EVL: variants seen among roughly 807,000 people sequenced by gnomAD.
The protein encoded by EVL is Enah/Vasp-like.
Under a neutral mutation model 59.6 loss-of-function variants are expected in EVL, and 21 were observed. The observed-to-expected ratio is 0.35, with a 90% CI of 0.25 to 0.51. The LOEUF (loss-of-function observed/expected upper bound fraction) is 0.51, where lower values mean the gene tolerates loss of function less well. EVL is among the 20% of genes least tolerant of loss of function. The pLI, the probability that EVL is intolerant of heterozygous loss-of-function variation, is 0.97. For synonymous variants in EVL, 198 were observed against 203.5 expected, an observed-to-expected ratio of 0.97 and a Z score of 0.23; for missense variants, 462 against 546.6, an observed-to-expected ratio of 0.85 and a Z score of 1.54.
At chr14:100,097,156 G>A in intron 2 of EVL, 1 of 210,650 alleles carries the variant, frequency 4.7e-6, no homozygotes. Flanking sequence ...CTGAGCCCCA[G>A]CAAAGTGCAG....
At chr14:100,007,378 A>G (rs541175094) in intron 1 of EVL, among the ~76,000 whole-genome samples, 27 of 152,316 alleles carry the variant, frequency 1.8e-4, no homozygotes, top group African/African-American at 6.5e-4. Flanking sequence ...GACTTTGAAT[A>G]GAATGAGAGG....
rs138385143 is a variant in EVL at position 100,141,225 on chromosome 14, C to G, written c.1140C>G (p.Phe380Leu). 6.2e-7 allele frequency: 1 copy of G among 1,613,870 alleles called. No individual in the cohort carries two copies. Residue 380 changes from phenylalanine (F) to leucine (L), a missense_variant, in exon 12 of 14, where the codon TTC becomes TTG. Coordinates refer to ENST00000392920, the MANE Select transcript of EVL (RefSeq NM_016337.3). ...GSVNDMALDAFDLDRMKQEIL... is the reference protein window; with the variant it reads ...GSVNDMALDALDLDRMKQEIL... Reference sequence around the variant, plus strand: ...TGAATGACATGGCCCTGGATGCCTTCGACTTGGACCGGATGAAGCAGGTGA... The same window carrying G: ...TGAATGACATGGCCCTGGATGCCTTGGACTTGGACCGGATGAAGCAGGTGA...
At chr14:100,077,590 G>A (rs2062190754) in intron 1 of EVL, among the ~76,000 whole-genome samples, 3 of 152,250 alleles carry the variant, frequency 2.0e-5, no homozygotes, top group Admixed American at 6.5e-5. Flanking sequence ...ATGAGGAGAC[G>A]TGAAAGCGAA....
chr14:100,014,999 A>G (rs1383184093), intron 1 of EVL, among the ~76,000 whole-genome samples: 1 of 152,206 alleles, frequency 6.6e-6, no homozygotes, highest in African/African-American at 2.4e-5. Flanking sequence ...GAATGTGCAT[A>G]TTAGTAAATG....
intron 1 of EVL, among the ~76,000 whole-genome samples, chr14:99,998,888 C>G (rs1478052368): frequency 1.3e-5 from 2 of 151,996 alleles, no homozygotes; most frequent in Non-Finnish European, 2.9e-5. Context: ...GTCCAAGGTC[C>G]AGTAATGGTC....
rs1187373207 is a variant in EVL, at chr14:100,108,849, G to C, written c.358+11191G>C. Reference sequence around the variant, plus strand: ...AGTCAGCTGCCACTTGGCCTGTCCTGCTATTCCCACTGCATGAATCTAGTC... The same window carrying C: ...AGTCAGCTGCCACTTGGCCTGTCCTCCTATTCCCACTGCATGAATCTAGTC... On this transcript the variant is annotated intron_variant, in intron 3 of 13. Transcript: ENST00000392920. This position sits in a 1 kb window ranked among gnomAD's most constrained non-coding sequence, Gnocchi z 4.1. Among the ~76,000 whole-genome samples the C allele has an allele frequency of 6.6e-6, 1 of 152,182 alleles. No individual in the cohort carries two copies. Among genetic ancestry groups the C allele is most frequent in the Non-Finnish European group, 1.5e-5 (1 of 68,028 alleles).
chr14:100,030,166 C>A (rs995330915), intron 1 of EVL, among the ~76,000 whole-genome samples: 1 of 150,842 alleles, frequency 6.6e-6, no homozygotes, highest in Non-Finnish European at 1.5e-5. Flanking sequence ...AATCTCAGCT[C>A]ACTGCAACCT....
upstream of EVL, among the ~76,000 whole-genome samples, chr14:100,063,410 G>A (rs916120334): frequency 3.9e-5 from 6 of 152,146 alleles, no homozygotes; most frequent in Admixed American, 6.5e-5. Context: ...TGATGATGTT[G>A]GGCTTCTGAC....
chr14:100,054,495 C>G (rs1004803031), intron 1 of EVL, among the ~76,000 whole-genome samples: 4 of 152,078 alleles, frequency 2.6e-5, no homozygotes, highest in African/African-American at 7.2e-5. Flanking sequence ...GAGTCCATAC[C>G]CCAGCCACTT....
At chr14:100,047,944 A>T (rs561807339) in intron 1 of EVL, among the ~76,000 whole-genome samples, 2 of 152,350 alleles carry the variant, frequency 1.3e-5, no homozygotes, top group African/African-American at 4.8e-5. Flanking sequence ...TTTTGGCCTA[A>T]TCCTCACATG....
At chr14:99,990,931 T>C (rs1393443566) in intron 1 of EVL, among the ~76,000 whole-genome samples, 2 of 152,168 alleles carry the variant, frequency 1.3e-5, no homozygotes, top group African/African-American at 4.8e-5. Context: ...TGTACCCAAT[T>C]GTATATATAG....
chr14:100,042,873 T>G (rs2061487896), intron 1 of EVL, among the ~76,000 whole-genome samples: 1 of 152,200 alleles, frequency 6.6e-6, no homozygotes, highest in East Asian at 1.9e-4. Flanking sequence ...AAATACATAC[T>G]TACCATAAAC....
chr14:100,077,883 C>T (rs914357796), intron 1 of EVL, among the ~76,000 whole-genome samples: 6 of 152,228 alleles, frequency 3.9e-5, no homozygotes, highest in South Asian at 2.1e-4. Flanking sequence ...CGCCATTCTC[C>T]TGCCTCAGCC....
At chr14:100,047,110 CTCTCTCTCTTTT>C (rs1390255104) in intron 1 of EVL, among the ~76,000 whole-genome samples, 1,959 of 21,532 alleles carry the variant, frequency 0.091, 51 homozygotes, top group African/African-American at 0.25. Context: ...TTGGGCAGAT[CTCTCTCTCTTTT>C]TTTTTTTTTT....
At chr14:99,992,668 G>A (rs1428345246) in intron 1 of EVL, among the ~76,000 whole-genome samples, 1 of 152,162 alleles carries the variant, frequency 6.6e-6, no homozygotes, top group African/African-American at 2.4e-5. Flanking sequence ...TCCTAACACT[G>A]TTTGTTGAAA....
chr14:100,108,450 A>G lies in EVL; in HGVS notation c.358+10792A>G, dbSNP rs1368202542. Among the ~76,000 whole-genome samples, 1 of 152,200 alleles carries G rather than the reference A, an allele frequency of 6.6e-6. No homozygotes were observed. Among genetic ancestry groups the G allele is most frequent in the Non-Finnish European group, 1.5e-5 (1 of 68,034 alleles). On this transcript the variant is annotated intron_variant, in intron 3 of 13. Coordinates refer to ENST00000392920, the MANE Select transcript of EVL (RefSeq NM_016337.3). This position sits in a 1 kb window ranked among gnomAD's most constrained non-coding sequence, Gnocchi z 4.1. ...CCCAGCATGGCCCTGCCTGAGGGGA[A>G]CAGGACGGCAAGCCCCTGGCCTCCT...
intron 4 of EVL, among the ~76,000 whole-genome samples, chr14:100,125,521 C>A (rs1888017176): frequency 6.6e-6 from 1 of 151,304 alleles, no homozygotes; most frequent in Non-Finnish European, 1.5e-5. Context: ...CTGCTGGGAG[C>A]TTTTCAGACC....
At position 100,126,809 on chromosome 14, in the gene EVL, G is replaced by A. The variant is rs541005126; in HGVS notation, c.487+38G>A. 14 of 1,600,484 alleles carry A rather than the reference G, an allele frequency of 8.7e-6. No individual in the cohort carries two copies. In the African/African-American group the frequency reaches 1.6e-4, roughly 18 times the overall value. On this transcript the variant is annotated intron_variant, in intron 5 of 13. Transcript: ENST00000392920. ...CTCCCCTAGGGCCGACTCCCATGCT[G>A]CTGCCAGGTGGCAGCCCCTCCACGT...
chr14:100,051,260 T>A (rs961384187), intron 1 of EVL, among the ~76,000 whole-genome samples: 1 of 152,208 alleles, frequency 6.6e-6, no homozygotes, highest in Non-Finnish European at 1.5e-5. Flanking sequence ...ACCATCTGTT[T>A]GTCCAGCCTG....
Sources: gnomAD v4.1 joint callset for allele counts (sites outside exome capture counted in the v4.1 genomes callset) on GRCh38, gnomAD v4.1.1 for gene constraint, Gnocchi (gnomAD v3.1) non-coding constraint, MANE v1.5 for transcripts, NCBI Gene and HGNC (gene_info 2026-07-23, HGNC 2026-07-21) for gene names.